KAZN: variants seen among roughly 807,000 people sequenced by gnomAD.
KAZN encodes the protein kazrin.
KAZN carries 40 observed loss-of-function variants against 87.4 expected under a neutral mutation model. That is an observed-to-expected ratio of 0.46 (90% CI 0.36 to 0.60). The LOEUF is 0.60. KAZN is among the 20% of genes least tolerant of loss of function. The probability of loss-of-function intolerance (pLI) is 0.00; values close to 1 mark genes in which losing one functional copy is unlikely to be tolerated. For synonymous variants in KAZN, 466 were observed against 458.3 expected (o/e 1.02, Z -0.22); for missense variants, 898 against 1,073.9 (o/e 0.84, Z 2.29).
intron 1 of KAZN, among the ~76,000 whole-genome samples, chr1:14,129,108 C>G (rs956819945): frequency 2.6e-5 from 4 of 152,218 alleles, no homozygotes; most frequent in Non-Finnish European, 4.4e-5. Flanking sequence ...TGGTAGCCCA[C>G]TGCTCAGAAC....
intron 2 of KAZN, among the ~76,000 whole-genome samples, chr1:14,259,405 G>A (rs1650835566): frequency 6.6e-6 from 1 of 152,108 alleles, no homozygotes; most frequent in Non-Finnish European, 1.5e-5. Flanking sequence ...CCATGGCACA[G>A]AGACAAGCAC....
intron 2 of KAZN, among the ~76,000 whole-genome samples, chr1:14,426,066 C>T (rs535366009): frequency 2.0e-5 from 3 of 152,336 alleles, no homozygotes; most frequent in Non-Finnish European, 4.4e-5. Context: ...GCTGCCTGGG[C>T]CCCCCGGCCT....
chr1:14,505,743 G>C (rs1262551599), intron 2 of KAZN, among the ~76,000 whole-genome samples: 1 of 152,246 alleles, frequency 6.6e-6, no homozygotes, highest in East Asian at 1.9e-4. Context: ...GGAGGCCGAG[G>C]TGGGTGGATT....
intron 2 of KAZN, among the ~76,000 whole-genome samples, chr1:14,467,674 CAA>C (rs36034022): frequency 1.4e-4 from 11 of 77,324 alleles, no homozygotes; most frequent in Non-Finnish European, 1.7e-4. Context: ...ATCCAAAAGG[CAA>C]AAAAAAAAAA....
chr1:14,608,359 C>G (rs1477223435), intron 1 of KAZN, among the ~76,000 whole-genome samples: 1 of 152,170 alleles, frequency 6.6e-6, no homozygotes, highest in Non-Finnish European at 1.5e-5. Context: ...GTATAACTGA[C>G]ATGAAAACAT....
chr1:14,855,630 G>A (rs999346493), intron 1 of KAZN, among the ~76,000 whole-genome samples: 1 of 152,182 alleles, frequency 6.6e-6, no homozygotes, highest in Non-Finnish European at 1.5e-5. Context: ...CTTGGCATTA[G>A]GAACACAAAC....
chr1:15,031,488 A>G (rs1417023420), intron 2 of KAZN, among the ~76,000 whole-genome samples: 1 of 152,084 alleles, frequency 6.6e-6, no homozygotes, highest in African/African-American at 2.4e-5. Context: ...CCAAGGAGCC[A>G]GCGCTGTGGG....
chr1:14,285,036 C>G (rs1653130639), intron 2 of KAZN, among the ~76,000 whole-genome samples: 1 of 152,130 alleles, frequency 6.6e-6, no homozygotes, highest in African/African-American at 2.4e-5. Context: ...GTAAAAAATG[C>G]AACAACACTA....
intron 1 of KAZN, among the ~76,000 whole-genome samples, chr1:13,952,256 C>T (rs1641373645): frequency 6.6e-6 from 1 of 151,786 alleles, no homozygotes; most frequent in Non-Finnish European, 1.5e-5. Flanking sequence ...TGGTCTTACA[C>T]ACTGTAGGAT....
chr1:14,939,070 T>C (rs550731675), intron 1 of KAZN, among the ~76,000 whole-genome samples: 3 of 152,144 alleles, frequency 2.0e-5, no homozygotes, highest in African/African-American at 7.2e-5. Flanking sequence ...CCTCCTGGGT[T>C]CAAGCTATTC....
At chr1:14,523,461 C>T (rs540410005) in intron 2 of KAZN, among the ~76,000 whole-genome samples, 1 of 152,298 alleles carries the variant, frequency 6.6e-6, no homozygotes, top group Admixed American at 6.5e-5. Flanking sequence ...ATGGAAAGGG[C>T]GGAAATAAAG....
chr1:14,790,494 A>G (rs561179248), intron 1 of KAZN, among the ~76,000 whole-genome samples: 4 of 152,336 alleles, frequency 2.6e-5, no homozygotes, highest in African/African-American at 9.6e-5. Flanking sequence ...AGCGATTTTT[A>G]GTATATTAAC....
At chr1:14,924,637 G>C (rs1256037683) in intron 1 of KAZN, 3 of 868,838 alleles carry the variant, frequency 3.5e-6, no homozygotes, top group South Asian at 5.1e-5. Context: ...CGCCGGGGCC[G>C]GGCGCGCGAG....
chr1:14,842,447 T>C (rs534578084), intron 1 of KAZN, among the ~76,000 whole-genome samples: 1 of 152,338 alleles, frequency 6.6e-6, no homozygotes, highest in Non-Finnish European at 1.5e-5. Context: ...CCAATGTCAG[T>C]CCATGGCACT....
intron 2 of KAZN, among the ~76,000 whole-genome samples, chr1:15,001,862 G>A (rs891250017): frequency 3.8e-5 from 5 of 133,024 alleles, no homozygotes; most frequent in African/African-American, 1.4e-4. Context: ...GCCCCACAAA[G>A]TCAAAATCTT....
At chr1:14,347,587 C>A (rs1658197456) in intron 2 of KAZN, among the ~76,000 whole-genome samples, 1 of 152,218 alleles carries the variant, frequency 6.6e-6, no homozygotes. Context: ...CTGTTACTTA[C>A]AACCACAGAA....
At chr1:14,981,696 C>G (rs1455954541) in intron 2 of KAZN, among the ~76,000 whole-genome samples, 1 of 152,246 alleles carries the variant, frequency 6.6e-6, no homozygotes, top group Non-Finnish European at 1.5e-5. Context: ...ACTCACCTAT[C>G]AGGCACTTTT....
At chr1:15,016,616 T>C (rs1670133863) in intron 2 of KAZN, among the ~76,000 whole-genome samples, 1 of 152,160 alleles carries the variant, frequency 6.6e-6, no homozygotes, top group Non-Finnish European at 1.5e-5. Flanking sequence ...AGCCCTCAGA[T>C]TGTGGCAATG....
At chr1:14,745,190 G>C (rs1212844393) in intron 1 of KAZN, among the ~76,000 whole-genome samples, 1 of 151,384 alleles carries the variant, frequency 6.6e-6, no homozygotes, top group African/African-American at 2.4e-5. Flanking sequence ...CTGGACCTGG[G>C]AGTATACAGC....
Sources: gnomAD v4.1 joint callset for allele counts (sites outside exome capture counted in the v4.1 genomes callset) on GRCh38, gnomAD v4.1.1 for gene constraint, MANE v1.5 for transcripts, NCBI Gene and HGNC (gene_info 2026-07-23, HGNC 2026-07-21) for gene names.